Variants in AUTS2 observed in about 807,000 individuals in gnomAD.
The protein encoded by AUTS2 is autism susceptibility gene 2 protein.
AUTS2 carries 17 observed loss-of-function variants against 112.4 expected under a neutral mutation model. That is an observed-to-expected ratio of 0.15 (90% CI 0.10 to 0.23). The LOEUF (loss-of-function observed/expected upper bound fraction) is 0.23. AUTS2 is among the 10% of genes least tolerant of loss of function. The pLI, the probability that AUTS2 is intolerant of heterozygous loss-of-function variation, is 1.00. For synonymous variants in AUTS2, 751 were observed against 702.7 expected, an observed-to-expected ratio of 1.07 and a Z score of -1.09; for missense variants, 1,510 against 1,701.6, an observed-to-expected ratio of 0.89 and a Z score of 1.98.
At chr7:69,701,775 C>T (rs1043294718) in intron 1 of AUTS2, among the ~76,000 whole-genome samples, 6 of 152,168 alleles carry the variant, frequency 3.9e-5, no homozygotes, top group African/African-American at 1.4e-4. Context: ...CTCCAGTTTA[C>T]GACTGAAGAG....
Position 70,631,053 on chromosome 7 carries a change from T to C in AUTS2, c.691-67516T>C, listed in dbSNP as rs1805232017. Among the ~76,000 whole-genome samples the C allele has an allele frequency of 6.6e-6, 1 of 152,098 alleles. No individual in the cohort carries two copies. Reference sequence around the variant, plus strand: ...GTCCCACAGGCTCGGCGCAGTAAGTTCAGATTATTGCTCAGTCTGTCAGAA... The same window carrying C: ...GTCCCACAGGCTCGGCGCAGTAAGTCCAGATTATTGCTCAGTCTGTCAGAA... On this transcript the variant is annotated intron_variant, in intron 5 of 18. Transcript: ENST00000342771. This position sits in a 1 kb window ranked among gnomAD's most constrained non-coding sequence, Gnocchi z 4.5.
At chr7:70,138,498 A>G (rs1584778609) in intron 4 of AUTS2, among the ~76,000 whole-genome samples, 2 of 152,340 alleles carry the variant, frequency 1.3e-5, no homozygotes, top group East Asian at 3.9e-4. Flanking sequence ...TTCTCTGGAT[A>G]ATTTTCAGCC....
intron 1 of AUTS2, among the ~76,000 whole-genome samples, chr7:69,896,964 C>T (rs1326822918): frequency 1.3e-5 from 2 of 152,188 alleles, no homozygotes; most frequent in Non-Finnish European, 2.9e-5. Flanking sequence ...GTTGTTAACT[C>T]AGTTTGCAAT....
intron 1 of AUTS2, among the ~76,000 whole-genome samples, chr7:69,608,340 G>A (rs1314053364): frequency 6.6e-6 from 1 of 152,110 alleles, no homozygotes; most frequent in Non-Finnish European, 1.5e-5. Flanking sequence ...CATTTTCCTT[G>A]TTGTCCCCAC....
intron 2 of AUTS2, among the ~76,000 whole-genome samples, chr7:70,109,941 G>T (rs1389919024): frequency 6.6e-6 from 1 of 152,176 alleles, no homozygotes; most frequent in Non-Finnish European, 1.5e-5. Context: ...AGATATGTGA[G>T]TTATACATCA....
intron 4 of AUTS2, among the ~76,000 whole-genome samples, chr7:70,254,175 A>G (rs1413201020): frequency 2.0e-5 from 3 of 152,186 alleles, no homozygotes; most frequent in Non-Finnish European, 4.4e-5. Context: ...CTAATCTCCC[A>G]TGGCATAAGG....
intron 5 of AUTS2, chr7:70,596,261 G>A (rs1274194588): frequency 6.6e-6 from 1 of 152,144 alleles, no homozygotes; most frequent in Non-Finnish European, 1.5e-5. Context: ...CGCCGCCCGG[G>A]AGCTCCCGCG....
At chr7:69,606,870 A>G (rs962955699) in intron 1 of AUTS2, among the ~76,000 whole-genome samples, 3 of 152,184 alleles carry the variant, frequency 2.0e-5, no homozygotes, top group Admixed American at 6.5e-5. Flanking sequence ...CCCCTCTGGG[A>G]GGTGAAGAGG....
chr7:69,751,062 A>G (rs928414796), intron 1 of AUTS2, among the ~76,000 whole-genome samples: 2 of 152,184 alleles, frequency 1.3e-5, no homozygotes, highest in African/African-American at 4.8e-5. Context: ...TTTGTTCATT[A>G]AAAATCACCA....
chr7:70,255,569 TG>T (rs1434841830), intron 4 of AUTS2, among the ~76,000 whole-genome samples: 1 of 152,244 alleles, frequency 6.6e-6, no homozygotes, highest in Non-Finnish European at 1.5e-5. Flanking sequence ...TGCTCTCAGA[TG>T]TATTTTATAA....
chr7:70,698,990 C>T (rs1256448975), intron 6 of AUTS2: 1 of 166,104 alleles, frequency 6.0e-6, no homozygotes, highest in East Asian at 1.7e-4. Context: ...TTGCAGACTC[C>T]AGTAATCAAT....
At chr7:70,323,896 T>C (rs557177766) in intron 4 of AUTS2, among the ~76,000 whole-genome samples, 1 of 152,292 alleles carries the variant, frequency 6.6e-6, no homozygotes, top group Non-Finnish European at 1.5e-5. Flanking sequence ...ATATAGGTGA[T>C]TCAATAAAAT....
intron 1 of AUTS2, among the ~76,000 whole-genome samples, chr7:69,678,350 G>A (rs1796653195): frequency 6.6e-6 from 1 of 152,142 alleles, no homozygotes; most frequent in East Asian, 1.9e-4. Flanking sequence ...ACTGTCTACA[G>A]CCTCTTGAAT....
intron 1 of AUTS2, among the ~76,000 whole-genome samples, chr7:69,649,711 A>G (rs1248373385): frequency 6.6e-6 from 1 of 152,132 alleles, no homozygotes; most frequent in Non-Finnish European, 1.5e-5. Flanking sequence ...TTAAAAAAAA[A>G]AGCTAAATCC....
chr7:70,776,894 C>A, intron 13 of AUTS2: 1 of 598,586 alleles, frequency 1.7e-6, no homozygotes, highest in South Asian at 2.0e-5. Flanking sequence ...AGTAGCAAAC[C>A]CACGTGGGGA....
chr7:69,873,536 G>C (rs1562941688), intron 1 of AUTS2, among the ~76,000 whole-genome samples: 1 of 151,542 alleles, frequency 6.6e-6, no homozygotes, highest in Non-Finnish European at 1.5e-5. Flanking sequence ...TGAGATCGTC[G>C]TGAGATCTAG....
intron 1 of AUTS2, among the ~76,000 whole-genome samples, chr7:69,643,814 T>G (rs1487234058): frequency 2.6e-5 from 4 of 152,124 alleles, no homozygotes; most frequent in Non-Finnish European, 2.9e-5. Flanking sequence ...TAACCTCCAA[T>G]GTGATGGTAG....
intron 18 of AUTS2, among the ~76,000 whole-genome samples, chr7:70,789,065 C>T (rs1393656063): frequency 1.3e-5 from 2 of 152,200 alleles, no homozygotes; most frequent in Non-Finnish European, 2.9e-5. Context: ...TTCCTACTGC[C>T]TTCCCTCCGT....
intron 5 of AUTS2, among the ~76,000 whole-genome samples, chr7:70,686,165 ATAAAACTAAGAGGG>A (rs1808466743): frequency 6.6e-6 from 1 of 152,196 alleles, no homozygotes; most frequent in African/African-American, 2.4e-5. Flanking sequence ...ACCTTCATTT[ATAAAACTAAGAGGG>A]GCTGCTAGAA....
Sources: allele counts gnomAD v4.1 joint callset (sites outside exome capture counted in the v4.1 genomes callset), GRCh38; gene constraint gnomAD v4.1.1; non-coding constraint Gnocchi (gnomAD v3.1); transcripts MANE v1.5; gene names NCBI Gene and HGNC (gene_info 2026-07-23, HGNC 2026-07-21).